XKR6: variants seen among roughly 807,000 people sequenced by gnomAD.
XKR6 encodes the protein XK-related protein 6.
In XKR6, 22 loss-of-function variants were observed where a neutral mutation model predicts 56.7. That is an observed-to-expected ratio of 0.39 (90% confidence interval 0.28 to 0.55). The LOEUF is 0.55. Ranked by LOEUF, XKR6 falls within the 20% of genes least tolerant of loss-of-function variation. The pLI is 0.66. For synonymous variants in XKR6, 524 were observed against 387.8 expected (o/e 1.35, Z -4.13); for missense variants, 852 against 889.0 (o/e 0.96, Z 0.53).
At chr8:11,049,733 T>C (rs1799497971) in intron 1 of XKR6, among the ~76,000 whole-genome samples, 1 of 152,024 alleles carries the variant, frequency 6.6e-6, no homozygotes, top group Non-Finnish European at 1.5e-5. Context: ...AAAAACATTC[T>C]CTCAATGATG....
chr8:11,101,168 A>G (rs922487971), intron 1 of XKR6, among the ~76,000 whole-genome samples: 1 of 152,264 alleles, frequency 6.6e-6, no homozygotes, highest in African/African-American at 2.4e-5. Context: ...GAAAGTGTCC[A>G]TAATTTATAG....
At chr8:11,108,366 C>G (rs571460634) in intron 1 of XKR6, 1 of 456,090 alleles carries the variant, frequency 2.2e-6, no homozygotes, top group Non-Finnish European at 4.4e-6. Context: ...TTGAAGTACA[C>G]ATGTTACGCT....
intron 1 of XKR6, among the ~76,000 whole-genome samples, chr8:11,150,282 C>A (rs901821605): frequency 1.3e-5 from 2 of 152,078 alleles, no homozygotes; most frequent in African/African-American, 2.4e-5. Flanking sequence ...CATGGATACC[C>A]CAAATAACCC....
chr8:10,927,739 C>T (rs1317345036), intron 1 of XKR6, among the ~76,000 whole-genome samples: 1 of 152,126 alleles, frequency 6.6e-6, no homozygotes, highest in East Asian at 1.9e-4. Context: ...CCAGGAGGAG[C>T]CAATCTTGAT....
chr8:11,163,622 G>A (rs1009946995), intron 1 of XKR6, among the ~76,000 whole-genome samples: 3 of 152,200 alleles, frequency 2.0e-5, no homozygotes, highest in African/African-American at 7.2e-5. Context: ...GAATGTGGTC[G>A]AGACACTCAG....
chr8:11,044,830 G>A (rs919481461), intron 1 of XKR6, among the ~76,000 whole-genome samples: 3 of 151,986 alleles, frequency 2.0e-5, no homozygotes, highest in African/African-American at 4.8e-5. Context: ...ATGTTGGGTA[G>A]GCTGGTCTTG....
chr8:11,027,171 C>A (rs950698990), intron 1 of XKR6, among the ~76,000 whole-genome samples: 1 of 152,192 alleles, frequency 6.6e-6, no homozygotes, highest in Non-Finnish European at 1.5e-5. Flanking sequence ...GCAGTTGTAA[C>A]ACAGTGGTAA....
chr8:11,098,477 G>A (rs1798345014), intron 1 of XKR6, among the ~76,000 whole-genome samples: 1 of 152,084 alleles, frequency 6.6e-6, no homozygotes, highest in Non-Finnish European at 1.5e-5. Context: ...CGGAATACGA[G>A]GTGTCAGAAA....
chr8:10,993,674 C>T (rs548853743), intron 1 of XKR6, among the ~76,000 whole-genome samples: 57 of 152,316 alleles, frequency 3.7e-4, no homozygotes, highest in African/African-American at 8.9e-4. Context: ...CTAGCTCACC[C>T]GACACTGGGA....
intron 1 of XKR6, among the ~76,000 whole-genome samples, chr8:11,003,839 C>A (rs1415332476): frequency 6.6e-6 from 1 of 152,176 alleles, no homozygotes; most frequent in African/African-American, 2.4e-5. Flanking sequence ...GTTAATTCTG[C>A]CTGTGATGAG....
At chr8:10,915,754 T>C (rs372700129) in intron 2 of XKR6, among the ~76,000 whole-genome samples, 1 of 152,308 alleles carries the variant, frequency 6.6e-6, no homozygotes, top group East Asian at 1.9e-4. Context: ...AAATGGCATC[T>C]CCTCAAAATG....
At chr8:11,020,403 T>C (rs936798911) in intron 1 of XKR6, among the ~76,000 whole-genome samples, 1 of 152,204 alleles carries the variant, frequency 6.6e-6, no homozygotes, top group African/African-American at 2.4e-5. Context: ...CAAATAAGAA[T>C]TGAGTCCCAA....
At chr8:11,137,279 G>A (rs1042964011) in intron 1 of XKR6, 1 of 267,402 alleles carries the variant, frequency 3.7e-6, no homozygotes, top group Non-Finnish European at 7.2e-6. Context: ...CTAAAGCAGT[G>A]CTTTAAGTTT....
intron 1 of XKR6, chr8:11,137,888 G>A (rs544957069): frequency 2.8e-6 from 1 of 358,434 alleles, no homozygotes; most frequent in South Asian, 2.1e-5. Context: ...ATAAACTAAA[G>A]AATAAGACTT....
At chr8:11,009,764 G>C (rs2129145455) in intron 1 of XKR6, among the ~76,000 whole-genome samples, 1 of 152,192 alleles carries the variant, frequency 6.6e-6, no homozygotes, top group East Asian at 1.9e-4. Context: ...GGAAAACTAA[G>C]GAAATCTGAA....
rs557567939 is a variant in XKR6, at chr8:10,974,823, G to C, written c.765-49993C>G. Among the ~76,000 whole-genome samples, 6 of 152,326 alleles carry C rather than the reference G, an allele frequency of 3.9e-5. No homozygotes were observed. The South Asian group carries it at 1.2e-3, about 32-fold the overall frequency. On this transcript the variant is annotated intron_variant, in intron 1 of 2. Coordinates refer to ENST00000416569, the MANE Select transcript of XKR6 (RefSeq NM_173683.4). ...GGGAACTCCTGGGCTCCTGGGGGAT[G>C]GCAGTTGGTGTTCAGCAGGTGCAGA...
At chr8:11,195,246 C>A (rs1259561912) in intron 1 of XKR6, 5 of 695,508 alleles carry the variant, frequency 7.2e-6, no homozygotes, top group Admixed American at 2.1e-5. Flanking sequence ...AAAATAATCA[C>A]CCTAGTGTTT....
intron 1 of XKR6, among the ~76,000 whole-genome samples, chr8:11,086,635 G>C (rs184237036): frequency 6.6e-6 from 1 of 152,244 alleles, no homozygotes; most frequent in South Asian, 2.1e-4. Flanking sequence ...AGAAAGATGC[G>C]GTGAGGTTAA....
In XKR6 at chr8:10,973,765, T is replaced by C. The variant is rs930834330; in HGVS notation, c.765-48935A>G. ...CCAGCTAATTTTTTGTGTTTTTTGTTGTAGAAACGGGGTTTCACCATGTTG... is the reference window on the plus strand; with the variant it reads ...CCAGCTAATTTTTTGTGTTTTTTGTCGTAGAAACGGGGTTTCACCATGTTG... On this transcript the variant is annotated intron_variant, in intron 1 of 2. Coordinates refer to ENST00000416569, the MANE Select transcript of XKR6 (RefSeq NM_173683.4). 5.3e-5 allele frequency among the ~76,000 whole-genome samples: 8 copies of C among 152,238 alleles called. No individual in the cohort carries two copies. The South Asian group carries it at 1.7e-3, about 32-fold the overall frequency.
Sources: gnomAD v4.1 joint callset for allele counts (sites outside exome capture counted in the v4.1 genomes callset) on GRCh38, gnomAD v4.1.1 for gene constraint, MANE v1.5 for transcripts, NCBI Gene and HGNC (gene_info 2026-07-23, HGNC 2026-07-21) for gene names.